The following SUCLG2 variants were observed in gnomAD, a reference collection of about 807,000 sequenced individuals.
The protein encoded by SUCLG2 is succinate--CoA ligase [GDP-forming] subunit beta, mitochondrial.
In SUCLG2, 42 loss-of-function variants were observed where a neutral mutation model predicts 47.9. The ratio of observed to expected loss-of-function variants is 0.88; its 90% CI spans 0.69 to 1.14. The LOEUF is 1.14. Ranked by LOEUF, SUCLG2 falls within the 50% of genes most tolerant of loss-of-function variation. The pLI, the probability that SUCLG2 is intolerant of heterozygous loss-of-function variation, is 0.00. For missense variants in SUCLG2, 571 were observed against 525.9 expected (o/e 1.09, Z -0.84); for synonymous variants, 195 against 197.3 (o/e 0.99, Z 0.10).
chr3:67,500,622 G>A (rs1453337603), intron 7 of SUCLG2, among the ~76,000 whole-genome samples: 1 of 152,118 alleles, frequency 6.6e-6, no homozygotes, highest in Non-Finnish European at 1.5e-5. Flanking sequence ...AGCAGTTAAT[G>A]ACTGGTATAA....
At chr3:67,569,465 C>A (rs1407694857) in intron 2 of SUCLG2, among the ~76,000 whole-genome samples, 1 of 152,196 alleles carries the variant, frequency 6.6e-6, no homozygotes, top group Non-Finnish European at 1.5e-5. Context: ...ATGGCTGCTG[C>A]CCAAGTGGAC....
rs888461755 is a variant in SUCLG2, at chr3:67,512,386, C to A, written c.661-3483G>T. Among the ~76,000 whole-genome samples, 14 of 150,954 alleles carry A rather than the reference C, an allele frequency of 9.3e-5. 2 individuals are homozygous for A. The highest frequency in any genetic ancestry group is 3.5e-4 in the African/African-American group (14 of 40,374). ...TTGTATTTTAGGGGGTTTTCTAGGT[C>A]ATCAATGTGACCTTGCAATGTGAGT... On this transcript the variant is annotated intron_variant, in intron 6 of 10. Coordinates refer to ENST00000307227, the MANE Select transcript of SUCLG2 (RefSeq NM_003848.4).
intron 9 of SUCLG2, among the ~76,000 whole-genome samples, chr3:67,407,323 CT>C (rs1702836488): frequency 6.6e-6 from 1 of 152,150 alleles, no homozygotes; most frequent in South Asian, 2.1e-4. Context: ...TTTGATAACA[CT>C]TTTCAGACAT....
chr3:67,553,080 T>C (rs1311841833), intron 2 of SUCLG2, among the ~76,000 whole-genome samples: 1 of 152,170 alleles, frequency 6.6e-6, no homozygotes, highest in African/African-American at 2.4e-5. Flanking sequence ...CTATGACATC[T>C]CCCATCCCAA....
intron 1 of SUCLG2, among the ~76,000 whole-genome samples, chr3:67,649,846 T>C (rs1701255116): frequency 6.6e-6 from 1 of 152,212 alleles, no homozygotes; most frequent in Non-Finnish European, 1.5e-5. Context: ...GATCTGAGGT[T>C]ACTTATGTAA....
chr3:67,578,134 G>T (rs901836781), intron 2 of SUCLG2, among the ~76,000 whole-genome samples: 3 of 150,970 alleles, frequency 2.0e-5, no homozygotes, highest in Non-Finnish European at 4.4e-5. Flanking sequence ...TAAGATGATT[G>T]ATTTATAAGT....
In SUCLG2 at chr3:67,387,837, C is replaced by A. The variant is rs148549028; in HGVS notation, c.1184-11978G>T. On this transcript the variant is annotated intron_variant, in intron 10 of 10. Transcript: ENST00000307227. Reference sequence around the variant, plus strand: ...ACTAAATGTACTTCCAAGGTTTATGCCTGTGGTTTTTTAATTAGTTAATTA... The same window carrying A: ...ACTAAATGTACTTCCAAGGTTTATGACTGTGGTTTTTTAATTAGTTAATTA... Among the ~76,000 whole-genome samples the A allele has an allele frequency of 1.8e-3, 279 of 151,942 alleles. 1 individual carries two copies. Among genetic ancestry groups the A allele is most frequent in the African/African-American group, 6.1e-3 (254 of 41,416 alleles).
At chr3:67,641,151 T>C (rs2107368976) in intron 1 of SUCLG2, among the ~76,000 whole-genome samples, 1 of 152,336 alleles carries the variant, frequency 6.6e-6, no homozygotes, top group East Asian at 1.9e-4. Context: ...GAAATGACAA[T>C]AAACCTGTGC....
intron 1 of SUCLG2, among the ~76,000 whole-genome samples, chr3:67,619,841 A>G (rs1388723353): frequency 1.3e-5 from 2 of 152,222 alleles, no homozygotes; most frequent in African/African-American, 4.8e-5. Flanking sequence ...ACATTAGCAT[A>G]TTAGCACAAC....
At chr3:67,447,627 A>G (rs1703956909) in intron 9 of SUCLG2, among the ~76,000 whole-genome samples, 1 of 152,270 alleles carries the variant, frequency 6.6e-6, no homozygotes, top group South Asian at 2.1e-4. Context: ...GTATTGGGTA[A>G]TTAATGAACT....
chr3:67,464,591 A>C (rs1294750863), intron 9 of SUCLG2, among the ~76,000 whole-genome samples: 3 of 152,242 alleles, frequency 2.0e-5, no homozygotes, highest in Admixed American at 2.0e-4. Flanking sequence ...GTCAAAACTT[A>C]TAATTCCACT....
intron 2 of SUCLG2, among the ~76,000 whole-genome samples, chr3:67,607,549 GT>G (rs1206195018): frequency 6.6e-6 from 1 of 152,046 alleles, no homozygotes. Context: ...TATGCCACAG[GT>G]GGGGATGCTC....
chr3:67,439,761 C>T (rs1388608088), intron 9 of SUCLG2, among the ~76,000 whole-genome samples: 1 of 152,150 alleles, frequency 6.6e-6, no homozygotes, highest in East Asian at 1.9e-4. Flanking sequence ...ACATTCCATG[C>T]TCATGAATAG....
intron 10 of SUCLG2, among the ~76,000 whole-genome samples, chr3:67,382,221 C>G (rs987366659): frequency 6.6e-6 from 1 of 152,064 alleles, no homozygotes; most frequent in Non-Finnish European, 1.5e-5. Context: ...TCAGAGCAAC[C>G]CTGCAGTCAA....
intron 2 of SUCLG2, among the ~76,000 whole-genome samples, chr3:67,592,347 C>G (rs1471835343): frequency 6.6e-6 from 1 of 152,120 alleles, no homozygotes; most frequent in Non-Finnish European, 1.5e-5. Flanking sequence ...ACAAATAAAG[C>G]TAATGTGAAT....
chr3:67,544,175 A>T (rs911796542), intron 2 of SUCLG2, among the ~76,000 whole-genome samples: 1 of 152,216 alleles, frequency 6.6e-6, no homozygotes, highest in African/African-American at 2.4e-5. Context: ...AAAATTTTTA[A>T]TTTATAATAA....
intron 10 of SUCLG2, among the ~76,000 whole-genome samples, chr3:67,388,095 G>C (rs1045062628): frequency 3.3e-5 from 5 of 152,164 alleles, no homozygotes; most frequent in Non-Finnish European, 7.3e-5. Flanking sequence ...CACCAGACTG[G>C]TTTGCTGAAT....
Position 67,534,315 on chromosome 3 carries a change from A to G in SUCLG2, c.227-5129T>C, listed in dbSNP as rs543461459. Among the ~76,000 whole-genome samples, 60 of 152,288 alleles carry G rather than the reference A, an allele frequency of 3.9e-4. No homozygotes were observed. In the South Asian group the frequency reaches 0.012, roughly 31 times the overall value. On this transcript the variant is annotated intron_variant, in intron 2 of 10. Transcript: ENST00000307227. ...TGAAGAGTTTGATTATTTAAAAATG[A>G]TAATATCTTAACAAAAAATGTATTT...
At chr3:67,462,048 T>C (rs1363108424) in intron 9 of SUCLG2, among the ~76,000 whole-genome samples, 1 of 152,072 alleles carries the variant, frequency 6.6e-6, no homozygotes, top group African/African-American at 2.4e-5. Context: ...ATTTTACATA[T>C]ATATATGTAT....
Sources: allele counts gnomAD v4.1 joint callset (sites outside exome capture counted in the v4.1 genomes callset), GRCh38; gene constraint gnomAD v4.1.1; transcripts MANE v1.5; gene names NCBI Gene and HGNC (gene_info 2026-07-23, HGNC 2026-07-21).